LAMA5: variants seen among roughly 807,000 people sequenced by gnomAD.
LAMA5 encodes laminin subunit alpha 5, also known as laminin subunit alpha-5.
LAMA5 carries 260 observed loss-of-function variants against 433.4 expected under a neutral mutation model. The ratio of observed to expected loss-of-function variants is 0.60; its 90% CI spans 0.54 to 0.66. The LOEUF is 0.66. LAMA5 is among the 30% of genes least tolerant of loss of function. The pLI, the probability that LAMA5 is intolerant of heterozygous loss-of-function variation, is 0.00. For missense variants in LAMA5, 5,378 were observed against 5,258.5 expected (o/e 1.02, Z -0.70); for synonymous variants, 2,620 against 2,226.6 (o/e 1.18, Z -4.97).
intron 6 of LAMA5, among the ~76,000 whole-genome samples, chr20:62,350,543 G>A (rs974695932): frequency 3.3e-5 from 5 of 152,162 alleles, no homozygotes; most frequent in African/African-American, 4.8e-5. Flanking sequence ...AAACTGGAGC[G>A]TGGACAGAGC....
At position 62,352,212 on chromosome 20, in the gene LAMA5, C is replaced by T. The variant is rs761564123; in HGVS notation, c.687+30G>A. ...CTACCCACCTCTCCGTTCTCCAGCC[C>T]CCGTACCGCCCTGCCCCTCCCCGGC... On this transcript the variant is annotated intron_variant, in intron 4 of 79. Transcript: ENST00000252999. 2.5e-6 allele frequency: 4 copies of T among 1,572,134 alleles called. No individual in the cohort carries two copies. In the South Asian group the frequency reaches 3.3e-5, roughly 13 times the overall value.
chr20:62,356,027 G>A (rs1331995554), intron 2 of LAMA5, among the ~76,000 whole-genome samples: 1 of 152,236 alleles, frequency 6.6e-6, no homozygotes, highest in Non-Finnish European at 1.5e-5. Flanking sequence ...CCTTCAGCAG[G>A]CCAGTCACAT....
At chr20:62,328,068 G>C (rs2146167722) in intron 35 of LAMA5, 58 bp from the exon 36 acceptor site, 2 of 1,601,214 alleles carry the variant, frequency 1.2e-6, no homozygotes, top group Middle Eastern at 4.4e-4. Context: ...ACCAAAGTGA[G>C]ACCTCGTAGG....
chr20:62,353,527 C>T (rs1984697297), intron 2 of LAMA5, among the ~76,000 whole-genome samples: 1 of 152,204 alleles, frequency 6.6e-6, no homozygotes, highest in African/African-American at 2.4e-5. Context: ...TTCCCTGCCG[C>T]AGGAGTTTGG....
rs757083578 is a variant in LAMA5, at chr20:62,323,824, C to T, written c.5801G>A (p.Arg1934His). The change falls in exon 44 of 80, where the codon CGC (arginine) becomes CAC (histidine). Residue 1934 changes from arginine to histidine, a missense_variant. Arg to His is a conservative substitution (Grantham distance 29). Coordinates refer to ENST00000252999, the MANE Select transcript of LAMA5 (RefSeq NM_005560.6). ...FAEGCVLRGG[R>H]TQCLCKPGYA... Reference sequence around the variant, plus strand: ...ACCAGGTTTGCAGAGGCACTGGGTGCGGCCGCCTCGCAGGACACAGCCCTC... The same window carrying T: ...ACCAGGTTTGCAGAGGCACTGGGTGTGGCCGCCTCGCAGGACACAGCCCTC... The T allele has an allele frequency of 1.8e-5, 29 of 1,609,886 alleles. No homozygotes were observed. Among genetic ancestry groups the T allele is most frequent in the East Asian group, 8.9e-5 (4 of 44,768 alleles).
chr20:62,336,743 G>T lies in LAMA5; in HGVS notation c.2208C>A (p.Ala736=). 1 of 1,613,108 alleles carries T rather than the reference G, an allele frequency of 6.2e-7. No individual in the cohort carries two copies. The highest frequency in any genetic ancestry group is 1.1e-5 in the South Asian group (1 of 91,080). The change falls in exon 17 of 80, where the codon GCC becomes GCA. Residue 736 remains alanine, a synonymous_variant. Coordinates refer to ENST00000252999, the MANE Select transcript of LAMA5 (RefSeq NM_005560.6). ...HPAGLAPVDP[A]LPEAQVPCMC... ...GCAGACTTGGGCTCACCTCAGGAAG[G>T]GCAGGATCCACTGGGGCCAGACCGG... is the stretch of plus-strand genomic sequence containing the variant.
intron 43 of LAMA5, 71 bp from the exon 44 acceptor site, chr20:62,323,927 C>T (rs990157024): frequency 2.3e-5 from 34 of 1,482,600 alleles, no homozygotes; most frequent in Middle Eastern, 2.0e-4. Flanking sequence ...CACTGTGCTC[C>T]GGCTGGAACA....
At chr20:62,317,885 A>T in intron 53 of LAMA5, 107 bp from the exon 54 acceptor site, 1 of 6,830 alleles carries the variant, frequency 1.5e-4, no homozygotes, top group Non-Finnish European at 3.0e-4. Flanking sequence ...GAGGGGGAGT[A>T]TGGGGGGTGA....
chr20:62,337,062 G>A (rs1441763307), intron 16 of LAMA5: 21 of 644,208 alleles, frequency 3.3e-5, no homozygotes, highest in East Asian at 1.2e-4. Flanking sequence ...TGTGACACAC[G>A]TCTGAACAAG....
intron 11 of LAMA5, among the ~76,000 whole-genome samples, chr20:62,343,079 G>GT (rs1194382438): frequency 1.3e-5 from 2 of 152,306 alleles, no homozygotes; most frequent in African/African-American, 4.8e-5. Flanking sequence ...TGTAAATAAA[G>GT]TTTTATTGGA....
At position 62,359,219 on chromosome 20, in the gene LAMA5, G is replaced by A. The variant is rs2146348292; in HGVS notation, c.450+3181C>T. Among the ~76,000 whole-genome samples the A allele has an allele frequency of 6.6e-6, 1 of 152,286 alleles. No individual in the cohort carries two copies. Among genetic ancestry groups the A allele is most frequent in the Admixed American group, 6.5e-5 (1 of 15,314 alleles). On this transcript the variant is annotated intron_variant, in intron 2 of 79. Transcript: ENST00000252999. This position sits in a 1 kb window ranked among gnomAD's most constrained non-coding sequence, Gnocchi z 4.3. ...TCATCTGAGGGAGGCGGGAGGCAAT[G>A]CCCTCCTCTGCTGGGGAGAGCCCCG...
chr20:62,336,706 TC>T, intron 17 of LAMA5, 27 bp downstream of exon 17: 1 of 1,611,804 alleles, frequency 6.2e-7, no homozygotes, highest in Non-Finnish European at 8.5e-7. Context: ...CTCACCCATC[TC>T]CCACACACGA....
intron 46 of LAMA5, 95 bp from the exon 47 acceptor site, chr20:62,322,544 T>G: frequency 6.9e-7 from 1 of 1,439,488 alleles, no homozygotes; most frequent in Non-Finnish European, 9.4e-7. Flanking sequence ...CCCCACCCCC[T>G]GAGGCTCTGC....
intron 26 of LAMA5, 34 bp from the exon 27 acceptor site, chr20:62,332,751 A>C: frequency 6.3e-7 from 1 of 1,597,594 alleles, no homozygotes; most frequent in Admixed American, 1.8e-5. Context: ...GAGGCCCGCC[A>C]CCCCTCGCCC....
At chr20:62,365,793 G>C (rs1986656160) in intron 1 of LAMA5, among the ~76,000 whole-genome samples, 1 of 152,180 alleles carries the variant, frequency 6.6e-6, no homozygotes, top group South Asian at 2.1e-4. Context: ...CATCTGAAGT[G>C]TGGGCTTGAG....
At chr20:62,338,210 C>CAG in intron 13 of LAMA5, 22 bp downstream of exon 13, 1 of 1,579,044 alleles carries the variant, frequency 6.3e-7, no homozygotes, top group Non-Finnish European at 8.6e-7. Context: ...TACCCACGCC[C>CAG]ACGTGGAGAG....
Position 62,314,396 on chromosome 20 carries a change from C to T in LAMA5, c.8412G>A (p.Val2804=). 5 of 1,613,494 alleles carry T rather than the reference C, an allele frequency of 3.1e-6. No individual in the cohort carries two copies. Among genetic ancestry groups the T allele is most frequent in the Non-Finnish European group, 4.2e-6 (5 of 1,179,952 alleles). The change falls in exon 62 of 80, where the codon GTG becomes GTA. Residue 2804 remains valine (V), a synonymous_variant. Transcript: ENST00000252999. ...CCTCACCCAGCTGATACACCCAGTG[C>T]ACCTTCTTGTCACGCAGAGACACAC... The part of the protein sequence containing the change: ...YMGVSLRDKK[V]HWVYQLGEAG...
intron 6 of LAMA5, 40 bp from the exon 7 acceptor site, chr20:62,347,068 AGGCAGGT>A: frequency 1.3e-6 from 2 of 1,527,376 alleles, no homozygotes; most frequent in Non-Finnish European, 1.8e-6. Context: ...CCCATCCTGG[AGGCAGGT>A]GGCAGGTGCT....
At position 62,338,214 on chromosome 20, in the gene LAMA5, T is replaced by C; in HGVS notation, c.1756+18A>G. ...CGGGCCTCCCCTACCCACGCCCACG[T>C]GGAGAGGCACCACTCACACTGGCAG... On this transcript the variant is annotated intron_variant, in intron 13 of 79. Coordinates refer to ENST00000252999, the MANE Select transcript of LAMA5 (RefSeq NM_005560.6). The C allele has an allele frequency of 6.3e-7, 1 of 1,581,826 alleles. No individual in the cohort carries two copies. The highest frequency in any genetic ancestry group is 8.6e-7 in the Non-Finnish European group (1 of 1,160,978).
Sources: gnomAD v4.1 joint callset for allele counts (sites outside exome capture counted in the v4.1 genomes callset) on GRCh38, gnomAD v4.1.1 for gene constraint, Gnocchi (gnomAD v3.1) non-coding constraint, MANE v1.5 for transcripts, NCBI Gene and HGNC (gene_info 2026-07-23, HGNC 2026-07-21) for gene names.